The following UNC93B1 variants were observed in gnomAD, a reference collection of about 807,000 sequenced individuals.
UNC93B1 encodes protein unc-93 homolog B1.
A neutral mutation model predicts 56.8 loss-of-function variants in UNC93B1; 33 were observed. The observed-to-expected ratio is 0.58, with a 90% CI of 0.44 to 0.78. UNC93B1 has a LOEUF of 0.78. Ranked by LOEUF, UNC93B1 falls within the 30% of genes least tolerant of loss-of-function variation. UNC93B1 has a pLI of 0.00. For synonymous variants in UNC93B1, 334 were observed against 358.6 expected (o/e 0.93, Z 0.77); for missense variants, 673 against 819.5 (o/e 0.82, Z 2.18).
At chr11:67,996,909 AG>A in intron 7 of UNC93B1, 125 bp from the exon 8 acceptor site, 1 of 1,193,428 alleles carries the variant, frequency 8.4e-7, no homozygotes, top group Non-Finnish European at 1.1e-6. Flanking sequence ...CTCCCAAACC[AG>A]GGCCCCGCCC....
chr11:67,991,193 C>T lies in UNC93B1; in HGVS notation c.*353G>A. On this transcript the variant is annotated 3_prime_UTR_variant, in exon 11 of 11. Coordinates refer to ENST00000227471, the MANE Select transcript of UNC93B1 (RefSeq NM_030930.4). The stretch of plus-strand genomic sequence containing the variant: ...GGATAGGAGGTGCAAAGTGCGCTCA[C>T]ACGCGGCCCGGGTCCGCGGCCGAGA... The T allele has an allele frequency of 4.0e-6, 1 of 248,084 alleles. No individual in the cohort carries two copies. The highest frequency in any genetic ancestry group is 7.7e-6 in the Non-Finnish European group (1 of 130,456). 15.4% of individuals were successfully genotyped at this position (248,084 alleles called of 1,614,324 possible). A position where few individuals can be genotyped will look rare whatever the true frequency, so the allele number is the denominator to read the frequency against.
rs781047243 is a variant in UNC93B1, at chr11:68,003,759, C to T, written c.136G>A (p.Glu46Lys). Reference protein sequence around the residue: ...LVGAYPNYNEEEEERRYYRRK... With the variant: ...LVGAYPNYNEKEEERRYYRRK... ...CGGTAGTAGCGGCGCTCCTCCTCCT[C>T]CTCGTTGTAGTTGGGGTACGCGCCC... The change falls in exon 2 of 11, where the codon GAG becomes AAG. Residue 46 changes from glutamate (E) to lysine (K), a missense_variant. This residue lies in a region of UNC93B1 where 438 missense variants were observed against 465.9 expected (regional missense o/e 0.94). Coordinates refer to ENST00000227471, the MANE Select transcript of UNC93B1 (RefSeq NM_030930.4). This position sits in a 1 kb window ranked among gnomAD's most constrained non-coding sequence, Gnocchi z 4.4. 25 of 1,521,922 alleles carry T rather than the reference C, an allele frequency of 1.6e-5. No homozygotes were observed. In the Admixed American group the frequency reaches 4.0e-4, roughly 24 times the overall value. The allele number at this position is 1,521,922 out of a possible 1,614,324, so 94.3% of individuals were successfully genotyped here.
In UNC93B1 at chr11:68,003,939, C is replaced by T; in HGVS notation, c.96+9G>A. 7.3e-7 allele frequency: 1 copy of T among 1,377,324 alleles called. No homozygotes were observed. The highest frequency in any genetic ancestry group is 9.4e-7 in the Non-Finnish European group (1 of 1,060,782). The allele number at this position is 1,377,324 out of a possible 1,614,324, so 85.3% of individuals were successfully genotyped here. On this transcript the variant is annotated intron_variant, in intron 1 of 10. Coordinates refer to ENST00000227471, the MANE Select transcript of UNC93B1 (RefSeq NM_030930.4). This position sits in a 1 kb window ranked among gnomAD's most constrained non-coding sequence, Gnocchi z 4.4. ...ACGCCCGCGCCTCGCACTCCGGGTC[C>T]CCGCTCACCGGGGCCTCGGGCCCGT...
intron 3 of UNC93B1, among the ~76,000 whole-genome samples, chr11:68,000,583 T>C (rs1396325148): frequency 6.6e-6 from 1 of 152,070 alleles, no homozygotes; most frequent in Non-Finnish European, 1.5e-5. Flanking sequence ...GAGAATCGCT[T>C]GAACCCAGGA....
intron 9 of UNC93B1, among the ~76,000 whole-genome samples, chr11:67,995,165 T>C (rs1856915596): frequency 6.6e-6 from 1 of 152,156 alleles, no homozygotes; most frequent in South Asian, 2.1e-4. Flanking sequence ...CCAAGTGTCA[T>C]GAAAACTATG....
chr11:67,993,676 C>T lies in UNC93B1; in HGVS notation c.1482G>A (p.Lys494=). ...GGCCCCCAACCCTGCCCAGTCTCAC[C>T]TTCATGTGCAGGCTCGAGCCCAGGT... ...TVYLGSSLHM[K]AKLAVLLVTL... The change falls in exon 10 of 11, where the codon AAG becomes AAA. Residue 494 remains lysine, a splice_region_variant and synonymous_variant. Coordinates refer to ENST00000227471, the MANE Select transcript of UNC93B1 (RefSeq NM_030930.4). 8.8e-7 allele frequency: 1 copy of T among 1,131,344 alleles called. No homozygotes were observed. Among genetic ancestry groups the T allele is most frequent in the Non-Finnish European group, 1.3e-6 (1 of 779,044 alleles). 70.1% of individuals were successfully genotyped at this position (1,131,344 alleles called of 1,614,324 possible). A position where few individuals can be genotyped will look rare whatever the true frequency, so the allele number is the denominator to read the frequency against.
Position 67,998,368 on chromosome 11 carries a change from G to A in UNC93B1, c.772C>T (p.Gln258Ter). 1.2e-6 allele frequency: 2 copies of A among 1,613,962 alleles called. No individual in the cohort carries two copies. The highest frequency in any genetic ancestry group is 1.7e-6 in the Non-Finnish European group (2 of 1,179,860). The change falls in exon 6 of 11, where the codon CAG becomes TAG. Residue 258 changes from glutamine to a stop codon, truncating the protein, a stop_gained. Coordinates refer to ENST00000227471, the MANE Select transcript of UNC93B1 (RefSeq NM_030930.4). LOFTEE classifies it high-confidence loss of function. Reference protein sequence around the residue: ...YDLNHTLYNVQSCGTNSHGIL... With the variant: ...YDLNHTLYNV ...CCCAACAAGGACTAACCGCAGCTCTGCACATTGTACAGCGTGTGGTTCAGG... is the reference window on the plus strand; with the variant it reads ...CCCAACAAGGACTAACCGCAGCTCTACACATTGTACAGCGTGTGGTTCAGG...
At chr11:68,002,919 G>T (rs1590764069) in intron 3 of UNC93B1, 103 bp downstream of exon 3, 1 of 1,411,672 alleles carries the variant, frequency 7.1e-7, no homozygotes, top group Non-Finnish European at 9.4e-7. Flanking sequence ...TTGTTCCCTC[G>T]CCCCACAAAC....
rs531159136 is a variant in UNC93B1 at position 67,991,568 on chromosome 11, C to T, written c.1772G>A (p.Gly591Glu). ...RPCPYEQAQGGDGPEEQ is the reference protein window; with the variant it reads ...RPCPYEQAQGEDGPEEQ ...CCCTCACTGCTCCTCCGGCCCGTCTCCCCCCTGCGCCTGTTCGTACGGGCA... is the reference window on the plus strand; with the variant it reads ...CCCTCACTGCTCCTCCGGCCCGTCTTCCCCCTGCGCCTGTTCGTACGGGCA... The change falls in exon 11 of 11, where the codon GGA (glycine) becomes GAA (glutamate). Residue 591 changes from glycine to glutamate, a missense_variant. Physicochemically the swap from Gly to Glu is moderately conservative, Grantham distance 98. Around this residue, in one of 3 missense-constraint regions of UNC93B1, gnomAD observed 80 missense variants for 85.3 expected, o/e 0.94. Transcript: ENST00000227471. 936 of 1,479,084 alleles carry T rather than the reference C, an allele frequency of 6.3e-4. 7 individuals are homozygous for T. The African/African-American group carries it at 0.013, about 20-fold the overall frequency. 91.6% of individuals were successfully genotyped at this position (1,479,084 alleles called of 1,614,324 possible).
chr11:68,004,003 G>A lies in UNC93B1; in HGVS notation c.41C>T (p.Ala14Val), dbSNP rs1212752696. 2.9e-6 allele frequency: 4 copies of A among 1,401,234 alleles called. No homozygotes were observed. The highest frequency in any genetic ancestry group is 3.7e-6 in the Non-Finnish European group (4 of 1,074,708). The allele number at this position is 1,401,234 out of a possible 1,614,324, so 86.8% of individuals were successfully genotyped here. Reference protein sequence around the residue: ...EPPLYPMAGAAGPQGDEDLLG... With the variant: ...EPPLYPMAGAVGPQGDEDLLG... The stretch of plus-strand genomic sequence containing the variant: ...CAGGTCCTCGTCGCCCTGCGGCCCC[G>A]CAGCCCCCGCCATCGGGTAGAGCGG... Residue 14 changes from alanine (A) to valine (V), a missense_variant, in exon 1 of 11, where the codon GCG becomes GTG. Ala to Val is a moderately conservative substitution (Grantham distance 64). Coordinates refer to ENST00000227471, the MANE Select transcript of UNC93B1 (RefSeq NM_030930.4).
Position 68,003,512 on chromosome 11 carries a change from C to T in UNC93B1, c.238+145G>A, listed in dbSNP as rs1857080456. 7.9e-7 allele frequency: 1 copy of T among 1,263,078 alleles called. No individual in the cohort carries two copies. Among genetic ancestry groups the T allele is most frequent in the South Asian group, 1.7e-5 (1 of 58,580 alleles). The allele number at this position is 1,263,078 out of a possible 1,614,324, so 78.2% of individuals were successfully genotyped here. A position where few individuals can be genotyped will look rare whatever the true frequency, so the allele number is the denominator to read the frequency against. The stretch of plus-strand genomic sequence containing the variant: ...TGCGCTACTTGACCCCCCAACCCCA[C>T]CCCCGCCGCGGGGGGCCGTGGCTGC... On this transcript the variant is annotated intron_variant, in intron 2 of 10. Transcript: ENST00000227471. This position sits in a 1 kb window ranked among gnomAD's most constrained non-coding sequence, Gnocchi z 4.4.
At position 67,998,358 on chromosome 11, in the gene UNC93B1, C is replaced by T. The variant is rs1462011435; in HGVS notation, c.781+1G>A. ...CTCCCCAACCCCCAACAAGGACTAA[C>T]CGCAGCTCTGCACATTGTACAGCGT... On this transcript the variant is annotated splice_donor_variant, in intron 6 of 10. Coordinates refer to ENST00000227471, the MANE Select transcript of UNC93B1 (RefSeq NM_030930.4). LOFTEE classifies it high-confidence loss of function. 2 of 1,613,924 alleles carry T rather than the reference C, an allele frequency of 1.2e-6. No individual in the cohort carries two copies. The highest frequency in any genetic ancestry group is 1.7e-6 in the Non-Finnish European group (2 of 1,179,850).
chr11:67,992,468 AGC>A (rs1856860213), intron 10 of UNC93B1, among the ~76,000 whole-genome samples: 1 of 151,772 alleles, frequency 6.6e-6, no homozygotes, highest in Admixed American at 6.6e-5. Flanking sequence ...TCTCCCAAGT[AGC>A]TGGAACTACA....
In UNC93B1 at chr11:67,997,659, C is replaced by G; in HGVS notation, c.906+16G>C. 1 of 1,600,488 alleles carries G rather than the reference C, an allele frequency of 6.2e-7. No homozygotes were observed. The highest frequency in any genetic ancestry group is 8.5e-7 in the Non-Finnish European group (1 of 1,179,794). ...CTCTGCTTCACTGACTGTCCTGCCCCCATCCCGGGCCGCACCAGCAGCATG... is the reference window on the plus strand; with the variant it reads ...CTCTGCTTCACTGACTGTCCTGCCCGCATCCCGGGCCGCACCAGCAGCATG... On this transcript the variant is annotated intron_variant, in intron 7 of 10. Coordinates refer to ENST00000227471, the MANE Select transcript of UNC93B1 (RefSeq NM_030930.4).
rs1447351533 is a variant in UNC93B1 at position 68,003,331 on chromosome 11, C to G, written c.239-156G>C. 1.2e-5 allele frequency: 12 copies of G among 1,020,196 alleles called. No individual in the cohort carries two copies. In the East Asian group the frequency reaches 3.5e-4, roughly 30 times the overall value. The allele number at this position is 1,020,196 out of a possible 1,614,324, so 63.2% of individuals were successfully genotyped here. ...ACAGCGGGGTTCCCGGGCTGCGCCA[C>G]GCCTTCTGCCAGCCCGCGGCCACTT... On this transcript the variant is annotated intron_variant, in intron 2 of 10. Transcript: ENST00000227471. This position sits in a 1 kb window ranked among gnomAD's most constrained non-coding sequence, Gnocchi z 4.4.
At chr11:67,996,081 G>A (rs1243167527) in intron 8 of UNC93B1, 197 bp from the exon 9 acceptor site, 3 of 383,334 alleles carry the variant, frequency 7.8e-6, no homozygotes, top group South Asian at 7.3e-5. Context: ...AGAGTCGGGG[G>A]GAAAAGAGGG....
At position 68,003,326 on chromosome 11, in the gene UNC93B1, C is replaced by T; in HGVS notation, c.239-151G>A. The T allele has an allele frequency of 9.5e-7, 1 of 1,054,972 alleles. No individual in the cohort carries two copies. The allele number at this position is 1,054,972 out of a possible 1,614,324, so 65.4% of individuals were successfully genotyped here. On this transcript the variant is annotated intron_variant, in intron 2 of 10. Transcript: ENST00000227471. This position sits in a 1 kb window ranked among gnomAD's most constrained non-coding sequence, Gnocchi z 4.4. ...TCAGGACAGCGGGGTTCCCGGGCTG[C>T]GCCACGCCTTCTGCCAGCCCGCGGC...
At position 67,991,774 on chromosome 11, in the gene UNC93B1, C is replaced by T. The variant is rs1368826560; in HGVS notation, c.1566G>A (p.Val522=). The change falls in exon 11 of 11, where the codon GTG becomes GTA. Residue 522 remains valine, a synonymous_variant. Transcript: ENST00000227471. ...GCGGGATGCGGGGCTGGCGCGGGGC[C>T]ACGCCCCGGCGCAGCTTCTGCTCCA... ...LRMEQKLRRG[V]APRQPRIPRP... is the part of the protein sequence containing the mutation. 12 of 1,539,758 alleles carry T rather than the reference C, an allele frequency of 7.8e-6. No individual in the cohort carries two copies. Among genetic ancestry groups the T allele is most frequent in the Admixed American group, 1.9e-5 (1 of 51,810 alleles).
At chr11:67,994,323 C>G (rs1360747841) in intron 9 of UNC93B1, among the ~76,000 whole-genome samples, 1 of 152,200 alleles carries the variant, frequency 6.6e-6, no homozygotes, top group Non-Finnish European at 1.5e-5. Context: ...AATGTTGGCT[C>G]TGTGGGTGAT....
Sources: gnomAD v4.1 joint callset for allele counts (sites outside exome capture counted in the v4.1 genomes callset) on GRCh38, gnomAD v4.1.1 for gene constraint, gnomAD v4.1.1 regional missense constraint, Gnocchi (gnomAD v3.1) non-coding constraint, MANE v1.5 for transcripts, NCBI Gene and HGNC (gene_info 2026-07-23, HGNC 2026-07-21) for gene names.